TRAIP: variants seen among roughly 807,000 people sequenced by gnomAD.
The protein encoded by TRAIP is E3 ubiquitin-protein ligase TRAIP.
Under a neutral mutation model 65.0 loss-of-function variants are expected in TRAIP, and 37 were observed. That is an observed-to-expected ratio of 0.57 (90% CI 0.44 to 0.75). The LOEUF is 0.75. Among genes scored for constraint, TRAIP ranks in the 30% least tolerant of loss-of-function variants. TRAIP has a pLI of 0.00. For missense variants in TRAIP, 481 were observed against 579.4 expected (o/e 0.83, Z 1.74); for synonymous variants, 187 against 219.1 (o/e 0.85, Z 1.29).
chr3:49,853,396 G>A (rs1645461206), intron 1 of TRAIP, among the ~76,000 whole-genome samples: 1 of 152,096 alleles, frequency 6.6e-6, no homozygotes, highest in Non-Finnish European at 1.5e-5. Flanking sequence ...CTTTAGGCCA[G>A]GAGTTTGAGA....
chr3:49,845,921 G>A (rs1389511710), intron 3 of TRAIP, among the ~76,000 whole-genome samples: 1 of 152,196 alleles, frequency 6.6e-6, no homozygotes. Flanking sequence ...ATGACACCCT[G>A]GGGCCAGAGC....
Position 49,856,518 on chromosome 3 carries a change from G to A in TRAIP, c.-65C>T, listed in dbSNP as rs1008567728. The A allele has an allele frequency of 1.9e-5, 27 of 1,445,434 alleles. No homozygotes were observed. Among genetic ancestry groups the A allele is most frequent in the East Asian group, 2.4e-5 (1 of 41,626 alleles). 89.5% of individuals were successfully genotyped at this position (1,445,434 alleles called of 1,614,324 possible). A position where few individuals can be genotyped will look rare whatever the true frequency, so the allele number is the denominator to read the frequency against. ...GCTACAGGTCCGGCTTCGTAGACGC[G>A]CCCCCGCGCCTCCGCTTGCTTCAAA... On this transcript the variant is annotated 5_prime_UTR_variant, in exon 1 of 15. Transcript: ENST00000331456.
intron 1 of TRAIP, 39 bp downstream of exon 1, chr3:49,856,317 C>A: frequency 6.4e-7 from 1 of 1,574,056 alleles, no homozygotes; most frequent in Non-Finnish European, 8.7e-7. Context: ...TGAAGCGGTA[C>A]CCGGGCAAAC....
chr3:49,844,189 T>C (rs1461286557), intron 4 of TRAIP, among the ~76,000 whole-genome samples: 1 of 152,126 alleles, frequency 6.6e-6, no homozygotes, highest in South Asian at 2.1e-4. Flanking sequence ...CTACCTGCCA[T>C]GGGTCCAGTT....
chr3:49,835,668 G>A (rs569649228), intron 10 of TRAIP, among the ~76,000 whole-genome samples: 9 of 152,102 alleles, frequency 5.9e-5, no homozygotes, highest in South Asian at 2.1e-4. Flanking sequence ...GGCCGGGCAC[G>A]GTGGCGCACA....
At chr3:49,844,074 T>A in intron 4 of TRAIP, 146 bp from the exon 5 acceptor site, 1 of 1,152,358 alleles carries the variant, frequency 8.7e-7, no homozygotes. Flanking sequence ...CGCTTCTTTC[T>A]CTGGGATGTG....
At chr3:49,842,355 A>T (rs2081846493) in intron 6 of TRAIP, 98 bp downstream of exon 6, 2 of 1,233,336 alleles carry the variant, frequency 1.6e-6, no homozygotes, top group African/African-American at 1.5e-5. Flanking sequence ...TGAGCCTCGG[A>T]CATGACCCAA....
intron 3 of TRAIP, 115 bp downstream of exon 3, chr3:49,847,410 G>C: frequency 1.3e-6 from 1 of 741,200 alleles, no homozygotes; most frequent in South Asian, 1.8e-5. Context: ...GAAAAGAAAA[G>C]AAAAGAGAAA....
At chr3:49,847,441 AGAG>A in intron 3 of TRAIP, 81 bp downstream of exon 3, 11 of 845,956 alleles carry the variant, frequency 1.3e-5, no homozygotes, top group Non-Finnish European at 1.9e-5. Context: ...AGAGAAGAGA[AGAG>A]AAAAAAGAAA....
intron 10 of TRAIP, among the ~76,000 whole-genome samples, chr3:49,837,409 G>T (rs1384595446): frequency 2.0e-5 from 3 of 151,990 alleles, no homozygotes; most frequent in Admixed American, 2.0e-4. Context: ...GCTGCAGTGA[G>T]CTGTGATCAC....
chr3:49,853,448 T>TAATAA (rs1264186459), intron 1 of TRAIP, among the ~76,000 whole-genome samples: 6 of 151,652 alleles, frequency 4.0e-5, no homozygotes, highest in South Asian at 2.1e-4. Context: ...CTAAAAACAA[T>TAATAA]AATAAAATAA....
At chr3:49,847,042 T>C (rs1215760862) in intron 3 of TRAIP, among the ~76,000 whole-genome samples, 1 of 151,944 alleles carries the variant, frequency 6.6e-6, no homozygotes. Context: ...TAGCCGGGTA[T>C]GGTGGCACGT....
At chr3:49,856,206 A>T (rs1005356530) in intron 1 of TRAIP, 150 bp downstream of exon 1, 28 of 660,566 alleles carry the variant, frequency 4.2e-5, no homozygotes, top group Non-Finnish European at 6.3e-5. Context: ...ACTTCTGCCC[A>T]GGTTGGGAAG....
chr3:49,837,365 G>A (rs906864023), intron 10 of TRAIP, among the ~76,000 whole-genome samples: 1 of 151,906 alleles, frequency 6.6e-6, no homozygotes, highest in African/African-American at 2.4e-5. Flanking sequence ...GGAGGCTGAG[G>A]CAGGATCACA....
intron 1 of TRAIP, among the ~76,000 whole-genome samples, chr3:49,853,824 G>A (rs913288706): frequency 6.6e-6 from 1 of 151,930 alleles, no homozygotes; most frequent in African/African-American, 2.4e-5. Flanking sequence ...TCCAGTCTGG[G>A]CCACAGAACG....
rs541389523 is a variant in TRAIP at position 49,837,727 on chromosome 3, G to A, written c.884+2045C>T. Among the ~76,000 whole-genome samples, 7 of 151,794 alleles carry A rather than the reference G, an allele frequency of 4.6e-5. No homozygotes were observed. The East Asian group carries it at 7.8e-4, about 17-fold the overall frequency. On this transcript the variant is annotated intron_variant, in intron 10 of 14. Transcript: ENST00000331456. ...CTCTCAAGTAACTGGGATTACAGGC[G>A]CCTGCCACCACACCCAGCTAATTTT...
intron 10 of TRAIP, among the ~76,000 whole-genome samples, chr3:49,835,268 G>C (rs992514002): frequency 6.6e-6 from 1 of 152,146 alleles, no homozygotes; most frequent in African/African-American, 2.4e-5. Flanking sequence ...TCTAATACAT[G>C]CTACATGGAT....
chr3:49,831,873 T>G, intron 11 of TRAIP, 43 bp downstream of exon 11: 1 of 1,489,046 alleles, frequency 6.7e-7, no homozygotes, highest in African/African-American at 1.4e-5. Flanking sequence ...GTCTTAGCTA[T>G]CCCCCTACCA....
chr3:49,837,464 A>AAACAAACAAACC (rs753200924), intron 10 of TRAIP, among the ~76,000 whole-genome samples: 1 of 152,120 alleles, frequency 6.6e-6, no homozygotes, highest in African/African-American at 2.4e-5. Context: ...CCCTATCTCA[A>AAACAAACAAACC]AACAAACAAA....
Sources: gnomAD v4.1 joint callset for allele counts (sites outside exome capture counted in the v4.1 genomes callset) on GRCh38, gnomAD v4.1.1 for gene constraint, MANE v1.5 for transcripts, NCBI Gene and HGNC (gene_info 2026-07-23, HGNC 2026-07-21) for gene names.